TGFBRAP1: variants seen among roughly 807,000 people sequenced by gnomAD.
TGFBRAP1 encodes the protein transforming growth factor beta receptor associated protein 1.
In TGFBRAP1, 20 loss-of-function variants were observed where a neutral mutation model predicts 83.2. The ratio of observed to expected loss-of-function variants is 0.24; its 90% CI spans 0.17 to 0.35. The LOEUF is 0.35. Among genes scored for constraint, TGFBRAP1 ranks in the 10% least tolerant of loss-of-function variants. TGFBRAP1 has a pLI of 1.00. For missense variants in TGFBRAP1, 950 were observed against 1,099.4 expected (o/e 0.86, Z 1.92); for synonymous variants, 415 against 459.8 (o/e 0.90, Z 1.25).
At chr2:105,324,862 C>A (rs1679178084) in intron 1 of TGFBRAP1, among the ~76,000 whole-genome samples, 1 of 152,172 alleles carries the variant, frequency 6.6e-6, no homozygotes, top group Admixed American at 6.5e-5. Flanking sequence ...AACTGGGCCA[C>A]CCCGGCAGTG....
intron 2 of TGFBRAP1, among the ~76,000 whole-genome samples, chr2:105,306,364 G>C (rs1312260903): frequency 6.6e-6 from 1 of 151,986 alleles, no homozygotes; most frequent in Non-Finnish European, 1.5e-5. Context: ...GCCCAGCCCA[G>C]AGTTATTTTT....
At position 105,298,501 on chromosome 2, in the gene TGFBRAP1, G is replaced by A; in HGVS notation, c.883+10C>T. 6.4e-7 allele frequency: 1 copy of A among 1,562,634 alleles called. No homozygotes were observed. On this transcript the variant is annotated intron_variant, in intron 3 of 11. Coordinates refer to ENST00000393359, the MANE Select transcript of TGFBRAP1 (RefSeq NM_004257.6). ...GTAAATTTCACTAAGACTTCTATGT[G>A]AATGAGTACCTTCAAAGTCCTGTAG...
At chr2:105,278,468 G>A (rs1055535495) in intron 6 of TGFBRAP1, among the ~76,000 whole-genome samples, 3 of 152,128 alleles carry the variant, frequency 2.0e-5, no homozygotes, top group Non-Finnish European at 2.9e-5. Context: ...GTCAGGGAGC[G>A]TCCTGGGGGA....
intron 2 of TGFBRAP1, among the ~76,000 whole-genome samples, chr2:105,305,906 C>A (rs949469333): frequency 1.5e-4 from 23 of 152,052 alleles, no homozygotes; most frequent in African/African-American, 4.8e-4. Flanking sequence ...CTGCCTGCTT[C>A]GGCATCCCAA....
At chr2:105,254,812 G>A in the TGFBRAP1 span, among the ~76,000 whole-genome samples, 1 of 152,128 alleles carries the variant, frequency 6.6e-6, no homozygotes, top group Non-Finnish European at 1.5e-5. Context: ...TAGGTCATGA[G>A]GGTGAGGCCC....
intron 1 of TGFBRAP1, among the ~76,000 whole-genome samples, chr2:105,314,677 G>T (rs1678796836): frequency 6.6e-6 from 1 of 151,968 alleles, no homozygotes; most frequent in African/African-American, 2.4e-5. Flanking sequence ...GGCAGGGTTT[G>T]GTGTCTCATG....
At chr2:105,288,837 T>C (rs986337081) in intron 4 of TGFBRAP1, among the ~76,000 whole-genome samples, 1 of 152,222 alleles carries the variant, frequency 6.6e-6, no homozygotes, top group Non-Finnish European at 1.5e-5. Context: ...CATGTATATG[T>C]GTATATATAT....
intron 1 of TGFBRAP1, among the ~76,000 whole-genome samples, chr2:105,324,604 A>T (rs1032443580): frequency 3.3e-5 from 5 of 152,204 alleles, no homozygotes; most frequent in African/African-American, 1.2e-4. Flanking sequence ...CCATAAGTTA[A>T]AAGTTTTTTT....
intron 7 of TGFBRAP1, among the ~76,000 whole-genome samples, chr2:105,276,158 T>C: frequency 6.6e-6 from 1 of 152,228 alleles, no homozygotes; most frequent in East Asian, 1.9e-4. Flanking sequence ...AGGCAGATGT[T>C]GTGCTTTTAC....
chr2:105,302,049 A>G (rs1678318217), intron 2 of TGFBRAP1, among the ~76,000 whole-genome samples: 1 of 151,212 alleles, frequency 6.6e-6, no homozygotes, highest in Non-Finnish European at 1.5e-5. Flanking sequence ...ATAAGAAGAG[A>G]TAATTCCCAT....
Position 105,275,602 on chromosome 2 carries a change from T to C in TGFBRAP1, c.1623A>G (p.Leu541=), listed in dbSNP as rs769693174. The C allele has an allele frequency of 7.4e-6, 12 of 1,614,022 alleles. No homozygotes were observed. Among genetic ancestry groups the C allele is most frequent in the Non-Finnish European group, 1.0e-5 (12 of 1,180,044 alleles). Residue 541 remains leucine, a synonymous_variant, in exon 8 of 12, where the codon CTA becomes CTG. Coordinates refer to ENST00000393359, the MANE Select transcript of TGFBRAP1 (RefSeq NM_004257.6). The part of the protein sequence containing the change: ...DFLTYCLDEE[L]VWAYADWVLQ... Reference sequence around the variant, plus strand: ...GGACCCAATCAGCATAGGCCCACACTAGTTCCTCGTCTAAGCAGTAGGTAA... The same window carrying C: ...GGACCCAATCAGCATAGGCCCACACCAGTTCCTCGTCTAAGCAGTAGGTAA...
downstream of TGFBRAP1, among the ~76,000 whole-genome samples, chr2:105,262,419 C>T (rs1309064568): frequency 6.6e-6 from 1 of 152,154 alleles, no homozygotes; most frequent in Non-Finnish European, 1.5e-5. Flanking sequence ...CCCTTGGCCT[C>T]CCACCATGGC....
chr2:105,271,359 A>C (rs1288657213), intron 10 of TGFBRAP1, among the ~76,000 whole-genome samples: 2 of 152,260 alleles, frequency 1.3e-5, no homozygotes, highest in Admixed American at 1.3e-4. Context: ...TTTGTAAAGC[A>C]AAAAGAATAA....
Position 105,273,578 on chromosome 2 carries a change from T to C in TGFBRAP1, c.1778A>G (p.Tyr593Cys). The C allele has an allele frequency of 6.2e-7, 1 of 1,614,228 alleles. No homozygotes were observed. Among genetic ancestry groups the C allele is most frequent in the Non-Finnish European group, 8.5e-7 (1 of 1,180,038 alleles). ...LKKYPKALVK[Y>C]LEHLVIDKRL... Reference sequence around the variant, plus strand: ...CTTGTCTATCACAAGATGTTCCAGATACTTCACAAGGGCTTTAGGGTATTT... The same window carrying C: ...CTTGTCTATCACAAGATGTTCCAGACACTTCACAAGGGCTTTAGGGTATTT... Residue 593 changes from tyrosine (Y) to cysteine (C), a missense_variant, in exon 9 of 12, where the codon TAT becomes TGT. Transcript: ENST00000393359.
intron 7 of TGFBRAP1, 76 bp from the exon 8 acceptor site, chr2:105,275,779 T>G (rs1037774337): frequency 4.8e-6 from 7 of 1,459,770 alleles, no homozygotes; most frequent in Non-Finnish European, 6.4e-6. Flanking sequence ...CAGAATTAGT[T>G]GAGAAATGGC....
At position 105,298,671 on chromosome 2, in the gene TGFBRAP1, G is replaced by T. The variant is rs12476720; in HGVS notation, c.723C>A (p.Arg241=). 1 of 1,599,850 alleles carries T rather than the reference G, an allele frequency of 6.3e-7. No individual in the cohort carries two copies. The highest frequency in any genetic ancestry group is 8.5e-7 in the Non-Finnish European group (1 of 1,170,606). The change falls in exon 3 of 12, where the codon CGC becomes CGA. Residue 241 remains arginine (R), a synonymous_variant. Transcript: ENST00000393359. ...MFATVAGISQ[R]APVHWSENVI... ...CATTCTCCGACCAGTGCACGGGGGC[G>T]CGCTGGGATATCCCTGCGACTGTGG...
At chr2:105,318,312 G>A (rs62154723) in intron 1 of TGFBRAP1, among the ~76,000 whole-genome samples, 32 of 152,186 alleles carry the variant, frequency 2.1e-4, no homozygotes, top group Non-Finnish European at 3.8e-4. Flanking sequence ...ACACAAATCC[G>A]GGGAGGATGG....
chr2:105,287,199 G>A (rs1250775319), intron 4 of TGFBRAP1, among the ~76,000 whole-genome samples: 1 of 151,078 alleles, frequency 6.6e-6, no homozygotes, highest in Non-Finnish European at 1.5e-5. Flanking sequence ...TGGTGGGGGT[G>A]TAGGGTGGGG....
chr2:105,296,755 C>G lies in TGFBRAP1; in HGVS notation c.884-245G>C, dbSNP rs1232371716. ...AATAATATCTTGCTTTCTTTTTTTG[C>G]CTTTTTTTTTTTTTTTTTTTTTTTT... is the stretch of plus-strand genomic sequence containing the variant. On this transcript the variant is annotated intron_variant, in intron 3 of 11. Coordinates refer to ENST00000393359, the MANE Select transcript of TGFBRAP1 (RefSeq NM_004257.6). 2.2e-4 allele frequency among the ~76,000 whole-genome samples: 18 copies of G among 83,378 alleles called. No homozygotes were observed. In the South Asian group the frequency reaches 6.9e-3, roughly 32 times the overall value. The allele number at this position is 83,378 out of a possible 152,430, so 54.7% of individuals were successfully genotyped here.
Sources: allele counts gnomAD v4.1 joint callset (sites outside exome capture counted in the v4.1 genomes callset), GRCh38; gene constraint gnomAD v4.1.1; transcripts MANE v1.5; gene names NCBI Gene and HGNC (gene_info 2026-07-23, HGNC 2026-07-21).